The following JAM3 variants were observed in gnomAD, a reference collection of about 807,000 sequenced individuals.
JAM3 encodes junctional adhesion molecule 3, also known as junctional adhesion molecule C.
Under a neutral mutation model 39.4 loss-of-function variants are expected in JAM3, and 31 were observed. That is an observed-to-expected ratio of 0.79 (90% CI 0.59 to 1.06). The LOEUF (loss-of-function observed/expected upper bound fraction) is 1.06. Among genes scored for constraint, JAM3 ranks in the 50% least tolerant of loss-of-function variants. The pLI, the probability that JAM3 is intolerant of heterozygous loss-of-function variation, is 0.00. For synonymous variants in JAM3, 182 were observed against 148.7 expected, an observed-to-expected ratio of 1.22 and a Z score of -1.63; for missense variants, 455 against 391.4, an observed-to-expected ratio of 1.16 and a Z score of -1.37.
intron 3 of JAM3, 142 bp downstream of exon 3, chr11:134,140,912 T>TATAATTATA: frequency 8.9e-7 from 1 of 1,119,708 alleles, no homozygotes; most frequent in Non-Finnish European, 1.2e-6. Flanking sequence ...GATTTATAAT[T>TATAATTATA]ATGGAAAATT....
At chr11:134,094,516 C>T (rs1941939418) in intron 1 of JAM3, among the ~76,000 whole-genome samples, 1 of 150,624 alleles carries the variant, frequency 6.6e-6, no homozygotes, top group African/African-American at 2.5e-5. Context: ...CCTCCTTATT[C>T]ATCATGTTCC....
chr11:134,091,938 A>G (rs1054108324), intron 1 of JAM3, among the ~76,000 whole-genome samples: 1 of 151,952 alleles, frequency 6.6e-6, no homozygotes, highest in South Asian at 2.1e-4. Context: ...CTATCAGGGC[A>G]GTATTGCAAC....
In JAM3 at chr11:134,142,264, T is replaced by G. The variant is rs562838703; in HGVS notation, c.256+1494T>G. On this transcript the variant is annotated intron_variant, in intron 3 of 8. Transcript: ENST00000299106. ...GGGTTCGGGGAGGATGCAGCTGTAC[T>G]TGGCCTCTTTCCTCGCCTCAGTGCA... Among the ~76,000 whole-genome samples the G allele has an allele frequency of 9.0e-4, 137 of 152,290 alleles. 1 individual carries two copies. Among genetic ancestry groups the G allele is most frequent in the Non-Finnish European group, 8.2e-4 (56 of 68,034 alleles).
chr11:134,103,794 C>T (rs1303709725), intron 1 of JAM3, among the ~76,000 whole-genome samples: 1 of 152,150 alleles, frequency 6.6e-6, no homozygotes, highest in African/African-American at 2.4e-5. Flanking sequence ...GGGATCAATT[C>T]AACAAGAATA....
At chr11:134,090,316 C>CTAATTGT (rs1483442258) in intron 1 of JAM3, among the ~76,000 whole-genome samples, 47 of 152,170 alleles carry the variant, frequency 3.1e-4, no homozygotes, top group Non-Finnish European at 6.0e-4. Context: ...TTAATTAGAT[C>CTAATTGT]CCATTTGTCA....
At chr11:134,094,090 G>A (rs1416336508) in intron 1 of JAM3, among the ~76,000 whole-genome samples, 2 of 134,560 alleles carry the variant, frequency 1.5e-5, no homozygotes, top group Non-Finnish European at 3.2e-5. Flanking sequence ...CACCTTAAAC[G>A]TCACTTCCTG....
intron 1 of JAM3, among the ~76,000 whole-genome samples, chr11:134,077,196 G>A (rs1442365647): frequency 6.6e-6 from 1 of 151,994 alleles, no homozygotes; most frequent in African/African-American, 2.4e-5. Context: ...TTGTGGTTTG[G>A]ATTTGCATCT....
chr11:134,142,183 C>T (rs1591806773), intron 3 of JAM3, among the ~76,000 whole-genome samples: 1 of 152,110 alleles, frequency 6.6e-6, no homozygotes, highest in Admixed American at 6.5e-5. Flanking sequence ...AAACATTTTG[C>T]TCTTAGCCAC....
intron 1 of JAM3, among the ~76,000 whole-genome samples, chr11:134,097,607 G>A (rs531680100): frequency 3.9e-5 from 6 of 152,230 alleles, no homozygotes; most frequent in Admixed American, 2.6e-4. Context: ...TACTAATGGA[G>A]AAGGGAGGCA....
intron 1 of JAM3, among the ~76,000 whole-genome samples, chr11:134,119,562 C>G (rs1427527758): frequency 2.0e-5 from 3 of 152,140 alleles, no homozygotes; most frequent in Non-Finnish European, 2.9e-5. Context: ...CTGGTGAGTT[C>G]AGAATCTGCA....
rs149770226 is a variant in JAM3 at position 134,075,484 on chromosome 11, T to C, written c.76+6325T>C. Among the ~76,000 whole-genome samples, 166 of 150,544 alleles carry C rather than the reference T, an allele frequency of 1.1e-3. 2 individuals carry two copies. The highest frequency in any genetic ancestry group is 3.9e-3 in the African/African-American group (157 of 40,480). Reference sequence around the variant, plus strand: ...ATGTGATAAGCATTGTGCTTATTGCTCTATCTGGGGTCTTAGTGAGCTTGG... The same window carrying C: ...ATGTGATAAGCATTGTGCTTATTGCCCTATCTGGGGTCTTAGTGAGCTTGG... On this transcript the variant is annotated intron_variant, in intron 1 of 8. Transcript: ENST00000299106.
intron 1 of JAM3, among the ~76,000 whole-genome samples, chr11:134,119,452 C>G (rs1942495875): frequency 6.6e-6 from 1 of 152,034 alleles, no homozygotes; most frequent in African/African-American, 2.4e-5. Flanking sequence ...AGTGCCATTG[C>G]CAGAGTATTA....
intron 1 of JAM3, among the ~76,000 whole-genome samples, chr11:134,090,611 A>G (rs1941831212): frequency 6.6e-6 from 1 of 152,162 alleles, no homozygotes; most frequent in Admixed American, 6.5e-5. Flanking sequence ...TAGTAGCCTG[A>G]ACATCTGGAT....
At chr11:134,084,608 T>G (rs553453283) in intron 1 of JAM3, among the ~76,000 whole-genome samples, 1 of 152,122 alleles carries the variant, frequency 6.6e-6, no homozygotes, top group Non-Finnish European at 1.5e-5. Context: ...GTGGGAGAGA[T>G]TTGCTGTTAC....
chr11:134,110,855 CTTGA>C, intron 1 of JAM3, among the ~76,000 whole-genome samples: 1 of 152,004 alleles, frequency 6.6e-6, no homozygotes, highest in South Asian at 2.1e-4. Flanking sequence ...TCAATTATAC[CTTGA>C]TTGTTTTTTT....
In JAM3 at chr11:134,149,528, G is replaced by C. The variant is rs1384195490; in HGVS notation, c.*347G>C. Reference sequence around the variant, plus strand: ...GCCCGTGCTGGGCCCTGTGAAGCCAGCATGTTCACCACTGGTCGTTCAGCA... The same window carrying C: ...GCCCGTGCTGGGCCCTGTGAAGCCACCATGTTCACCACTGGTCGTTCAGCA... On this transcript the variant is annotated 3_prime_UTR_variant, in exon 9 of 9. Coordinates refer to ENST00000299106, the MANE Select transcript of JAM3 (RefSeq NM_032801.5). 2 of 505,038 alleles carry C rather than the reference G, an allele frequency of 4.0e-6. No individual in the cohort carries two copies. Among genetic ancestry groups the C allele is most frequent in the Non-Finnish European group, 7.7e-6 (2 of 261,236 alleles). 31.3% of individuals were successfully genotyped at this position (505,038 alleles called of 1,614,324 possible). A position where few individuals can be genotyped will look rare whatever the true frequency, so the allele number is the denominator to read the frequency against.
At chr11:134,112,586 C>T (rs990622675) in intron 1 of JAM3, among the ~76,000 whole-genome samples, 1 of 152,108 alleles carries the variant, frequency 6.6e-6, no homozygotes, top group African/African-American at 2.4e-5. Context: ...ACTATGTGTC[C>T]ACCACCAAGT....
intron 3 of JAM3, among the ~76,000 whole-genome samples, chr11:134,143,501 T>A (rs936011737): frequency 6.6e-6 from 1 of 152,254 alleles, no homozygotes; most frequent in Non-Finnish European, 1.5e-5. Context: ...TCTGAGTAGC[T>A]GAGACTATAT....
At chr11:134,121,789 C>T (rs1287443921) in intron 1 of JAM3, among the ~76,000 whole-genome samples, 1 of 151,704 alleles carries the variant, frequency 6.6e-6, no homozygotes, top group East Asian at 1.9e-4. Flanking sequence ...TGGGCAGGCA[C>T]TGATACTGAT....
Sources: gnomAD v4.1 joint callset for allele counts (sites outside exome capture counted in the v4.1 genomes callset) on GRCh38, gnomAD v4.1.1 for gene constraint, MANE v1.5 for transcripts, NCBI Gene and HGNC (gene_info 2026-07-23, HGNC 2026-07-21) for gene names.